USP24: variants seen among roughly 807,000 people sequenced by gnomAD.
USP24 encodes ubiquitin specific peptidase 24, also known as ubiquitin carboxyl-terminal hydrolase 24.
In USP24, 97 loss-of-function variants were observed where a neutral mutation model predicts 361.6. The observed-to-expected ratio is 0.27, with a 90% CI of 0.23 to 0.32. USP24 has a LOEUF of 0.32. Among genes scored for constraint, USP24 ranks in the 10% least tolerant of loss-of-function variants. The pLI is 1.00. For missense variants in USP24, 2,353 were observed against 3,165.6 expected (o/e 0.74, Z 6.16); for synonymous variants, 1,098 against 1,124.6 (o/e 0.98, Z 0.47).
At chr1:55,207,878 T>A (rs529515304) in intron 1 of USP24, among the ~76,000 whole-genome samples, 1 of 152,234 alleles carries the variant, frequency 6.6e-6, no homozygotes, top group Non-Finnish European at 1.5e-5. Flanking sequence ...GAAAGCAAAT[T>A]GTGTGCTGGA....
intron 2 of USP24, among the ~76,000 whole-genome samples, chr1:55,177,105 A>C (rs76482715): frequency 0.11 from 16,793 of 151,592 alleles, 1,135 homozygotes; most frequent in Non-Finnish European, 0.15. Flanking sequence ...AAAAAAAAAA[A>C]AACAACAAAA....
In USP24 at chr1:55,075,517, C is replaced by T. The variant is rs866948952; in HGVS notation, c.7387G>A (p.Glu2463Lys). ...FQLLHEILVI[E>K]DPIQVERVKF... Reference sequence around the variant, plus strand: ...ACTCGCTCTACTTGTATAGGATCTTCAATAACCTGGGAAAGGAAGAAACAA... The same window carrying T: ...ACTCGCTCTACTTGTATAGGATCTTTAATAACCTGGGAAAGGAAGAAACAA... The change falls in exon 63 of 68, where the codon GAA (glutamate) becomes AAA (lysine). Residue 2463 changes from glutamate to lysine, a missense_variant. Glu to Lys is a moderately conservative substitution (Grantham distance 56, BLOSUM62 1). Coordinates refer to ENST00000294383, the MANE Select transcript of USP24 (RefSeq NM_015306.3). The T allele has an allele frequency of 5.0e-6, 8 of 1,597,116 alleles. No individual in the cohort carries two copies. The Middle Eastern group carries it at 1.0e-3, about 199-fold the overall frequency.
At position 55,110,166 on chromosome 1, in the gene USP24, A is replaced by T. The variant is rs765133346; in HGVS notation, c.4570+19T>A. ...CTCTTCCCCAGCCCCTCTCCCCTAC[A>T]TATTAGTCATTTACTTACTTGTCAG... On this transcript the variant is annotated intron_variant, in intron 39 of 67. Coordinates refer to ENST00000294383, the MANE Select transcript of USP24 (RefSeq NM_015306.3). 6.5e-7 allele frequency: 1 copy of T among 1,541,800 alleles called. No homozygotes were observed. The highest frequency in any genetic ancestry group is 8.8e-7 in the Non-Finnish European group (1 of 1,141,354).
intron 38 of USP24, among the ~76,000 whole-genome samples, chr1:55,112,984 C>T (rs541913857): frequency 3.6e-4 from 55 of 152,260 alleles, no homozygotes; most frequent in African/African-American, 1.3e-3. Flanking sequence ...ATAGTTAGCT[C>T]TTTTTGTTGC....
Position 55,068,854 on chromosome 1 carries a change from C to T in USP24, c.*191G>A. ...TGATCCACATGCCGGAGTTCTCCCA[C>T]TGCCAAACAGCTCCCAAACCTTCTA... is the stretch of plus-strand genomic sequence containing the variant. On this transcript the variant is annotated 3_prime_UTR_variant, in exon 68 of 68. Transcript: ENST00000294383. The T allele has an allele frequency of 1.7e-6, 1 of 597,986 alleles. No homozygotes were observed. Among genetic ancestry groups the T allele is most frequent in the South Asian group, 2.2e-5 (1 of 46,354 alleles). The allele number at this position is 597,986 out of a possible 1,614,324, so 37.0% of individuals were successfully genotyped here.
At chr1:55,177,855 G>A (rs909695419) in intron 2 of USP24, 112 bp downstream of exon 2, 170 of 1,017,902 alleles carry the variant, frequency 1.7e-4, no homozygotes, top group Non-Finnish European at 2.2e-4. Context: ...AAGACTAAGA[G>A]AATAAATGAT....
chr1:55,112,722 G>A (rs532446798), intron 38 of USP24, among the ~76,000 whole-genome samples: 4 of 152,292 alleles, frequency 2.6e-5, no homozygotes, highest in African/African-American at 9.6e-5. Flanking sequence ...ATGTGGTGTT[G>A]AAAAGAATGT....
In USP24 at chr1:55,071,724, A is replaced by G. The variant is rs1644922355; in HGVS notation, c.7800+90T>C. Reference sequence around the variant, plus strand: ...TTTGGACTCACATTCCAGAGGAAGCATCTTGTTTTCCCTCAGCTGTGGAAA... The same window carrying G: ...TTTGGACTCACATTCCAGAGGAAGCGTCTTGTTTTCCCTCAGCTGTGGAAA... On this transcript the variant is annotated intron_variant, in intron 67 of 67. Coordinates refer to ENST00000294383, the MANE Select transcript of USP24 (RefSeq NM_015306.3). The G allele has an allele frequency of 2.3e-6, 3 of 1,323,062 alleles. No individual in the cohort carries two copies. The South Asian group carries it at 3.8e-5, about 17-fold the overall frequency. The allele number at this position is 1,323,062 out of a possible 1,614,324, so 82.0% of individuals were successfully genotyped here.
At position 55,085,941 on chromosome 1, in the gene USP24, C is replaced by T; in HGVS notation, c.6765+1G>A. 6.2e-7 allele frequency: 1 copy of T among 1,613,676 alleles called. No homozygotes were observed. Among genetic ancestry groups the T allele is most frequent in the Non-Finnish European group, 8.5e-7 (1 of 1,179,642 alleles). On this transcript the variant is annotated splice_donor_variant, in intron 56 of 67. Coordinates refer to ENST00000294383, the MANE Select transcript of USP24 (RefSeq NM_015306.3). LOFTEE classifies it high-confidence loss of function. ...AATAACGTTTTAAAAATGAGACCGA[C>T]CTTATCCTGATAAAACAAGGCACTG... is the stretch of plus-strand genomic sequence containing the variant.
intron 1 of USP24, among the ~76,000 whole-genome samples, chr1:55,184,965 A>AT (rs147392101): frequency 0.063 from 9,387 of 149,538 alleles, 411 homozygotes; most frequent in African/African-American, 0.12. Flanking sequence ...TTTTATTTTT[A>AT]TTTTTTTTTT....
chr1:55,072,189 A>G, intron 66 of USP24, 128 bp downstream of exon 66: 1 of 764,708 alleles, frequency 1.3e-6, no homozygotes. Context: ...TAGAAATCCA[A>G]TTGTTTCTTC....
chr1:55,076,352 C>G (rs1367335009), intron 62 of USP24, among the ~76,000 whole-genome samples: 1 of 152,206 alleles, frequency 6.6e-6, no homozygotes, highest in Non-Finnish European at 1.5e-5. Context: ...TGTAAAAGCA[C>G]TAGGACCAAA....
Position 55,107,439 on chromosome 1 carries a change from G to GA in USP24, c.4571-10dup, listed in dbSNP as rs201735994. The GA allele has an allele frequency of 9.3e-4, 1,365 of 1,467,494 alleles. No individual in the cohort carries two copies. The highest frequency in any genetic ancestry group is 2.5e-3 in the South Asian group (181 of 73,662). 90.9% of individuals were successfully genotyped at this position (1,467,494 alleles called of 1,614,324 possible). ...CTGCTCCATTTCTGAAGCTAAGAAGGAAAAAAAAAATCCATTACAAAGAAA... is the reference window on the plus strand; with the variant it reads ...CTGCTCCATTTCTGAAGCTAAGAAGGAAAAAAAAAAATCCATTACAAAGAAA... On this transcript the variant is annotated splice_polypyrimidine_tract_variant and intron_variant, in intron 39 of 67. Coordinates refer to ENST00000294383, the MANE Select transcript of USP24 (RefSeq NM_015306.3).
At chr1:55,110,038 C>T (rs939700809) in intron 39 of USP24, 147 bp downstream of exon 39, 2 of 589,918 alleles carry the variant, frequency 3.4e-6, no homozygotes, top group Admixed American at 3.7e-5. Context: ...GGTTTATATG[C>T]TATTTTCAAG....
chr1:55,212,873 G>C (rs916697064), intron 1 of USP24, among the ~76,000 whole-genome samples: 1 of 152,102 alleles, frequency 6.6e-6, no homozygotes, highest in African/African-American at 2.4e-5. Context: ...GAGATTTTAT[G>C]GATTTTAATT....
Position 55,147,743 on chromosome 1 carries a change from C to T in USP24, c.2024G>A (p.Ser675Asn). The T allele has an allele frequency of 6.2e-7, 1 of 1,612,788 alleles. No individual in the cohort carries two copies. Among genetic ancestry groups the T allele is most frequent in the Non-Finnish European group, 8.5e-7 (1 of 1,179,314 alleles). The change falls in exon 18 of 68, where the codon AGT becomes AAT. Residue 675 changes from serine to asparagine, a missense_variant. By Grantham distance (46) the Ser-to-Asn change is conservative. This residue lies in a region of USP24 where 949 missense variants were observed against 1,280.5 expected (regional missense o/e 0.74). Transcript: ENST00000294383. The stretch of plus-strand genomic sequence containing the variant: ...TGCAAGCCGATGACAAGCGATCAAA[C>T]TTCCCGTTACCAATTTCACTATTTC... ...NFEIVKLVTG[S>N]LIACHRLAAA...
chr1:55,104,509 G>A (rs748744717), intron 41 of USP24, among the ~76,000 whole-genome samples: 2 of 152,130 alleles, frequency 1.3e-5, no homozygotes, highest in South Asian at 2.1e-4. Flanking sequence ...AAATCAATTC[G>A]TTTAAAGTGA....
intron 1 of USP24, among the ~76,000 whole-genome samples, chr1:55,183,617 G>A (rs192646396): frequency 2.0e-5 from 3 of 152,268 alleles, no homozygotes; most frequent in African/African-American, 4.8e-5. Context: ...AGATGTAAGA[G>A]ATAAGAAAAC....
intron 32 of USP24, among the ~76,000 whole-genome samples, chr1:55,126,102 A>C (rs1417919118): frequency 1.3e-5 from 2 of 152,246 alleles, no homozygotes; most frequent in African/African-American, 4.8e-5. Flanking sequence ...GAGTCTTCAC[A>C]GTAGCCTGTA....
Sources: allele counts gnomAD v4.1 joint callset (sites outside exome capture counted in the v4.1 genomes callset), GRCh38; gene constraint gnomAD v4.1.1; regional missense constraint gnomAD v4.1.1; transcripts MANE v1.5; gene names NCBI Gene and HGNC (gene_info 2026-07-23, HGNC 2026-07-21).